The following ERN1 variants were observed in gnomAD, a reference collection of about 807,000 sequenced individuals.
ERN1 encodes endoplasmic reticulum to nucleus signaling 1, also known as serine/threonine-protein kinase/endoribonuclease IRE1.
ERN1 carries 39 observed loss-of-function variants against 113.1 expected under a neutral mutation model. The ratio of observed to expected loss-of-function variants is 0.34; its 90% confidence interval spans 0.27 to 0.45. The LOEUF (loss-of-function observed/expected upper bound fraction) is 0.45, where lower values mean the gene tolerates loss of function less well. ERN1 is among the 20% of genes least tolerant of loss of function. The pLI is 1.00. For missense variants in ERN1, 976 were observed against 1,274.8 expected, an observed-to-expected ratio of 0.77 and a Z score of 3.57; for synonymous variants, 507 against 515.9, an observed-to-expected ratio of 0.98 and a Z score of 0.23.
At chr17:64,058,181 G>A (rs1704316545) in intron 11 of ERN1, among the ~76,000 whole-genome samples, 188 bp from the exon 12 acceptor site, 1 of 152,222 alleles carries the variant, frequency 6.6e-6, no homozygotes, top group Admixed American at 6.5e-5. Flanking sequence ...ATTGCTTTGA[G>A]AGGCCATGCA....
chr17:64,112,241 G>T (rs1914691406), intron 1 of ERN1, among the ~76,000 whole-genome samples: 1 of 151,960 alleles, frequency 6.6e-6, no homozygotes, highest in Non-Finnish European at 1.5e-5. Flanking sequence ...GGTGGCACAT[G>T]CTTGTAATCC....
At chr17:64,056,884 G>C (rs1567863958) in intron 12 of ERN1, among the ~76,000 whole-genome samples, 1 of 152,144 alleles carries the variant, frequency 6.6e-6, no homozygotes, top group Non-Finnish European at 1.5e-5. Flanking sequence ...GTGCCAGTGG[G>C]GAGTGCCATA....
At chr17:64,117,095 G>C (rs1914827548) in intron 1 of ERN1, among the ~76,000 whole-genome samples, 2 of 150,628 alleles carry the variant, frequency 1.3e-5, no homozygotes, top group Admixed American at 1.3e-4. Flanking sequence ...CAGCCTCAAC[G>C]ACAGAGTGAG....
intron 1 of ERN1, among the ~76,000 whole-genome samples, chr17:64,111,814 T>C (rs1431939721): frequency 2.0e-5 from 3 of 152,152 alleles, no homozygotes; most frequent in African/African-American, 7.2e-5. Context: ...AAAACAAATA[T>C]TGAGAATTTC....
At chr17:64,128,097 T>C (rs1020052273) in intron 1 of ERN1, among the ~76,000 whole-genome samples, 2 of 150,972 alleles carry the variant, frequency 1.3e-5, no homozygotes, top group Non-Finnish European at 2.9e-5. Context: ...CAGGTTCGGG[T>C]GATTCTCCTG....
intron 1 of ERN1, among the ~76,000 whole-genome samples, chr17:64,104,179 T>C (rs1013831977): frequency 1.4e-4 from 21 of 152,114 alleles, no homozygotes; most frequent in South Asian, 2.1e-4. Context: ...GAAGCAAAGG[T>C]TGCAGTGAGC....
chr17:64,093,410 C>G (rs984841201), intron 2 of ERN1, among the ~76,000 whole-genome samples: 9 of 152,198 alleles, frequency 5.9e-5, no homozygotes, highest in Non-Finnish European at 1.0e-4. Flanking sequence ...TTCAACACAG[C>G]ACTTGTTGAT....
chr17:64,078,614 T>G (rs181436542), intron 4 of ERN1, among the ~76,000 whole-genome samples: 1 of 152,352 alleles, frequency 6.6e-6, no homozygotes, highest in Non-Finnish European at 1.5e-5. Context: ...AGATGTGTGA[T>G]CTATCTGGAA....
chr17:64,088,149 C>T (rs150472636), intron 2 of ERN1, among the ~76,000 whole-genome samples: 3 of 152,246 alleles, frequency 2.0e-5, no homozygotes, highest in African/African-American at 7.2e-5. Flanking sequence ...CTCAAGGAGC[C>T]TTGCAAGATC....
rs1913266764 is a variant in ERN1 at position 64,067,448 on chromosome 17, A to AAAAAT, written c.581-517_581-516insATTTT. On this transcript the variant is annotated intron_variant, in intron 7 of 21. Coordinates refer to ENST00000433197, the MANE Select transcript of ERN1 (RefSeq NM_001433.5). ...TCTACAAAAAAAAAAAAAAAAAAAA[A>AAAAAT]TTAGCCAGGTAGGTGGGGGAGTGGC... Among the ~76,000 whole-genome samples, 3 of 129,684 alleles carry AAAAAT rather than the reference A, an allele frequency of 2.3e-5. No individual in the cohort carries two copies. The East Asian group carries it at 6.9e-4, about 30-fold the overall frequency. The allele number at this position is 129,684 out of a possible 152,430, so 85.1% of individuals were successfully genotyped here.
At position 64,075,267 on chromosome 17, in the gene ERN1, G is replaced by GA. The variant is rs764086501; in HGVS notation, c.283-21dup. 5,976 of 557,100 alleles carry GA rather than the reference G, an allele frequency of 0.011. 1 individual carries two copies. Among genetic ancestry groups the GA allele is most frequent in the Non-Finnish European group, 0.014 (4,916 of 361,822 alleles). The allele number at this position is 557,100 out of a possible 1,614,324, so 34.5% of individuals were successfully genotyped here. A position where few individuals can be genotyped will look rare whatever the true frequency, so the allele number is the denominator to read the frequency against. On this transcript the variant is annotated intron_variant, in intron 4 of 21. Transcript: ENST00000433197. ...AAGTTTCTTTAAAAAAAAAAAAAAAGAAAAAAAAAAGTTAACCAAGTCTTG... is the reference window on the plus strand; with the variant it reads ...AAGTTTCTTTAAAAAAAAAAAAAAAGAAAAAAAAAAAGTTAACCAAGTCTTG...
At chr17:64,110,025 T>G (rs1001176410) in intron 1 of ERN1, among the ~76,000 whole-genome samples, 2 of 152,150 alleles carry the variant, frequency 1.3e-5, no homozygotes, top group Non-Finnish European at 2.9e-5. Context: ...CAAATGGCAC[T>G]GCAAATTATA....
In ERN1 at chr17:64,044,890, G is replaced by A; in HGVS notation, c.2691C>T (p.Val897=). 2 of 1,592,708 alleles carry A rather than the reference G, an allele frequency of 1.3e-6. No individual in the cohort carries two copies. The highest frequency in any genetic ancestry group is 1.7e-6 in the Non-Finnish European group (2 of 1,168,990). The stretch of plus-strand genomic sequence containing the variant: ...TTCTCATGGCTCGGAGGAGATCTCT[G>A]ACAGAACCACCTTTATAGGTCCTGA... ...RKFRTYKGGS[V]RDLLRAMRNK... is the part of the protein sequence containing the mutation. The change falls in exon 21 of 22, where the codon GTC becomes GTT. Residue 897 remains valine, a synonymous_variant. Coordinates refer to ENST00000433197, the MANE Select transcript of ERN1 (RefSeq NM_001433.5). The surrounding 1 kb of genome is among the most constrained non-coding windows in gnomAD (Gnocchi z 4.1).
intron 1 of ERN1, among the ~76,000 whole-genome samples, chr17:64,103,925 GC>G (rs1032126374): frequency 6.6e-6 from 1 of 152,096 alleles, no homozygotes; most frequent in Non-Finnish European, 1.5e-5. Flanking sequence ...CTCATCAGTG[GC>G]TAGAGAACAA....
intron 1 of ERN1, among the ~76,000 whole-genome samples, chr17:64,125,573 C>T (rs2143513482): frequency 6.6e-6 from 1 of 152,310 alleles, no homozygotes; most frequent in Non-Finnish European, 1.5e-5. Flanking sequence ...ACTGCAACCT[C>T]TACCTCCCAG....
chr17:64,113,000 G>A (rs1053481351), intron 1 of ERN1, among the ~76,000 whole-genome samples: 1 of 152,208 alleles, frequency 6.6e-6, no homozygotes, highest in African/African-American at 2.4e-5. Flanking sequence ...ATGGATATCA[G>A]AAGATCGGGC....
intron 18 of ERN1, 143 bp downstream of exon 18, chr17:64,048,912 A>G: frequency 1.4e-6 from 1 of 728,512 alleles, no homozygotes; most frequent in Non-Finnish European, 2.0e-6. Context: ...ATTTGGCACA[A>G]GTCTGGAGGT....
chr17:64,075,624 C>G (rs912437272), intron 4 of ERN1, among the ~76,000 whole-genome samples: 1 of 152,304 alleles, frequency 6.6e-6, no homozygotes, highest in East Asian at 1.9e-4. Context: ...TTTTGACAAG[C>G]TCCCAGGTCC....
intron 2 of ERN1, among the ~76,000 whole-genome samples, chr17:64,091,973 A>G (rs1204666882): frequency 6.6e-6 from 1 of 152,194 alleles, no homozygotes; most frequent in African/African-American, 2.4e-5. Flanking sequence ...TGATGCAGGC[A>G]CAACGCCACC....
Sources: gnomAD v4.1 joint callset for allele counts (sites outside exome capture counted in the v4.1 genomes callset) on GRCh38, gnomAD v4.1.1 for gene constraint, Gnocchi (gnomAD v3.1) non-coding constraint, MANE v1.5 for transcripts, NCBI Gene and HGNC (gene_info 2026-07-23, HGNC 2026-07-21) for gene names.